The following CUBN variants were observed in gnomAD, a reference collection of about 807,000 sequenced individuals.
CUBN encodes 460 kDa receptor.
In CUBN, 282 loss-of-function variants were observed where a neutral mutation model predicts 405.3. The observed-to-expected ratio is 0.70, with a 90% CI of 0.63 to 0.77. The LOEUF (loss-of-function observed/expected upper bound fraction) is 0.77. CUBN is among the 30% of genes least tolerant of loss of function. The pLI is 0.00. For synonymous variants in CUBN, 1,684 were observed against 1,617.0 expected (o/e 1.04, Z -0.99); for missense variants, 4,514 against 4,475.2 (o/e 1.01, Z -0.25).
intron 27 of CUBN, among the ~76,000 whole-genome samples, chr10:17,031,038 T>A (rs2131803794): frequency 6.6e-6 from 1 of 152,316 alleles, no homozygotes; most frequent in Non-Finnish European, 1.5e-5. Flanking sequence ...ATACGAACAC[T>A]CCTGTTAGTC....
At chr10:17,039,890 A>T (rs1834978617) in intron 27 of CUBN, among the ~76,000 whole-genome samples, 1 of 152,218 alleles carries the variant, frequency 6.6e-6, no homozygotes, top group African/African-American at 2.4e-5. Flanking sequence ...GAATCTCCTT[A>T]TAGTTAGGAC....
chr10:16,975,929 A>C (rs1176528342), intron 31 of CUBN, among the ~76,000 whole-genome samples: 1 of 150,994 alleles, frequency 6.6e-6, no homozygotes, highest in African/African-American at 2.4e-5. Context: ...ACGCCAGGCC[A>C]AGACCCTTCT....
chr10:17,079,235 CTTT>C (rs34189586), intron 17 of CUBN, among the ~76,000 whole-genome samples: 3 of 124,516 alleles, frequency 2.4e-5, no homozygotes, highest in African/African-American at 3.0e-5. Flanking sequence ...AATGCAAACT[CTTT>C]TTTTTTTTTT....
At chr10:17,103,006 C>A (rs1836532908) in intron 13 of CUBN, 119 bp downstream of exon 13, 1 of 721,026 alleles carries the variant, frequency 1.4e-6, no homozygotes, top group Non-Finnish European at 2.5e-6. Flanking sequence ...ACTTAGTAAG[C>A]ACTCAATATA....
Position 17,099,999 on chromosome 10 carries a change from A to C in CUBN, c.1765+6T>G. 1 of 1,600,168 alleles carries C rather than the reference A, an allele frequency of 6.2e-7. No individual in the cohort carries two copies. Among genetic ancestry groups the C allele is most frequent in the Non-Finnish European group, 8.6e-7 (1 of 1,167,358 alleles). The stretch of plus-strand genomic sequence containing the variant: ...TGCTTGCTTTTTTCTCCAGGTTCAC[A>C]CATACCTGGTTGCTGTGTTTCCCAT... On this transcript the variant is annotated splice_donor_region_variant and intron_variant, in intron 14 of 66. Coordinates refer to ENST00000377833, the MANE Select transcript of CUBN (RefSeq NM_001081.4).
At chr10:16,940,635 A>G (rs560895472) in intron 36 of CUBN, among the ~76,000 whole-genome samples, 11 of 152,304 alleles carry the variant, frequency 7.2e-5, no homozygotes, top group African/African-American at 2.6e-4. Context: ...GGAAATATAC[A>G]TGTGAGCTGG....
In CUBN at chr10:16,851,559, A is replaced by G. The variant is rs534218823; in HGVS notation, c.9455-116T>C. On this transcript the variant is annotated intron_variant, in intron 59 of 66. Coordinates refer to ENST00000377833, the MANE Select transcript of CUBN (RefSeq NM_001081.4). ...TTTTCTGTCACACTCTGAGAACATG[A>G]TCAGATCATTCCCTCCTGGGCTCCC... 3.7e-5 allele frequency: 35 copies of G among 941,658 alleles called. No individual in the cohort carries two copies. In the African/African-American group the frequency reaches 5.5e-4, roughly 15 times the overall value. The allele number at this position is 941,658 out of a possible 1,614,324, so 58.3% of individuals were successfully genotyped here.
At chr10:17,109,148 T>G (rs1258517431) in intron 10 of CUBN, among the ~76,000 whole-genome samples, 1 of 152,212 alleles carries the variant, frequency 6.6e-6, no homozygotes, top group Non-Finnish European at 1.5e-5. Context: ...TTTTGTTAAA[T>G]TACAGGGTTA....
At chr10:16,839,053 A>C (rs954308788) in intron 62 of CUBN, among the ~76,000 whole-genome samples, 1 of 152,100 alleles carries the variant, frequency 6.6e-6, no homozygotes, top group Non-Finnish European at 1.5e-5. Flanking sequence ...CTTTCAATTC[A>C]ACCTATACAT....
At chr10:16,906,150 A>T in intron 50 of CUBN, 53 bp downstream of exon 50, 1 of 1,391,112 alleles carries the variant, frequency 7.2e-7, no homozygotes, top group Non-Finnish European at 1.0e-6. Flanking sequence ...AACAAAAAAG[A>T]TAAAAAGAAT....
chr10:16,853,463 C>T (rs1051062122), intron 59 of CUBN, among the ~76,000 whole-genome samples: 10 of 152,198 alleles, frequency 6.6e-5, no homozygotes, highest in Non-Finnish European at 1.3e-4. Context: ...AATGGTGGCT[C>T]TCCTGAACCC....
chr10:17,044,861 C>CT lies in CUBN; in HGVS notation c.3672+145dup, dbSNP rs1835089544. ...GAAGATGGTCACTTTCACCAAATTTCTTTTATGTTTTTATTTTGTTTGAAT... is the reference window on the plus strand; with the variant it reads ...GAAGATGGTCACTTTCACCAAATTTCTTTTTATGTTTTTATTTTGTTTGAAT... On this transcript the variant is annotated intron_variant, in intron 25 of 66. Transcript: ENST00000377833. 4 of 843,034 alleles carry CT rather than the reference C, an allele frequency of 4.7e-6. No homozygotes were observed. The South Asian group carries it at 5.9e-5, about 13-fold the overall frequency. 52.2% of individuals were successfully genotyped at this position (843,034 alleles called of 1,614,324 possible).
chr10:16,834,068 C>A (rs904869183), intron 64 of CUBN, among the ~76,000 whole-genome samples: 12 of 152,152 alleles, frequency 7.9e-5, no homozygotes, highest in African/African-American at 2.9e-4. Context: ...TTAGGTTCCA[C>A]CTAAGTATAT....
chr10:16,859,796 G>A (rs1015742889), intron 59 of CUBN, among the ~76,000 whole-genome samples: 9 of 152,074 alleles, frequency 5.9e-5, no homozygotes, highest in Admixed American at 3.9e-4. Flanking sequence ...AAAAATAACA[G>A]CAAGGGTAAT....
intron 43 of CUBN, among the ~76,000 whole-genome samples, chr10:16,922,505 G>A (rs1201980916): frequency 6.6e-6 from 1 of 152,034 alleles, no homozygotes; most frequent in Non-Finnish European, 1.5e-5. Flanking sequence ...CGCTGTTCAG[G>A]CTTTGGAGCA....
intron 66 of CUBN, among the ~76,000 whole-genome samples, chr10:16,826,309 T>TACAC (rs1245333091): frequency 1.3e-5 from 2 of 152,228 alleles, no homozygotes; most frequent in African/African-American, 4.8e-5. Context: ...TTTACATACA[T>TACAC]AAAAAGTTGA....
chr10:16,956,281 G>C (rs1250950563), intron 31 of CUBN, among the ~76,000 whole-genome samples: 1 of 151,906 alleles, frequency 6.6e-6, no homozygotes, highest in Non-Finnish European at 1.5e-5. Flanking sequence ...GTCTGTTCTG[G>C]AGCAGCAAAT....
chr10:17,129,718 T>A lies in CUBN; in HGVS notation c.48A>T (p.Leu16Phe). The A allele has an allele frequency of 1.2e-6, 2 of 1,614,072 alleles. No individual in the cohort carries two copies. The highest frequency in any genetic ancestry group is 1.7e-6 in the Non-Finnish European group (2 of 1,179,912). Residue 16 changes from leucine (L) to phenylalanine (F), a missense_variant, in exon 1 of 67, where the codon TTA (leucine) becomes TTT (phenylalanine). This residue lies in a region of CUBN where 1,448 missense variants were observed against 1,388.0 expected (regional missense o/e 1.04). Transcript: ENST00000377833. ...LPFLWSLLTL[L>F]IFAEVNGEAG... ...CTTCGCCATTTACTTCAGCAAATAT[T>A]AATAAGGTAAGCAAACTCCAAAGAA... is the stretch of plus-strand genomic sequence containing the variant.
chr10:16,886,751 C>A (rs940192783), intron 56 of CUBN, among the ~76,000 whole-genome samples: 1 of 152,202 alleles, frequency 6.6e-6, no homozygotes, highest in South Asian at 2.1e-4. Flanking sequence ...GAAGAAAGAA[C>A]GCCCAATGGT....
Sources: allele counts gnomAD v4.1 joint callset (sites outside exome capture counted in the v4.1 genomes callset), GRCh38; gene constraint gnomAD v4.1.1; regional missense constraint gnomAD v4.1.1; transcripts MANE v1.5; gene names NCBI Gene and HGNC (gene_info 2026-07-23, HGNC 2026-07-21).